Variants in CHST11 observed in about 807,000 individuals in gnomAD.
The protein encoded by CHST11 is carbohydrate sulfotransferase 11.
In CHST11, 9 loss-of-function variants were observed where a neutral mutation model predicts 30.4. The observed-to-expected ratio is 0.30, with a 90% CI of 0.18 to 0.52. The LOEUF (loss-of-function observed/expected upper bound fraction) is 0.52, where lower values mean the gene tolerates loss of function less well. Among genes scored for constraint, CHST11 ranks in the 20% least tolerant of loss-of-function variants. The pLI, the probability that CHST11 is intolerant of heterozygous loss-of-function variation, is 0.97. For synonymous variants in CHST11, 152 were observed against 187.8 expected, an observed-to-expected ratio of 0.81 and a Z score of 1.56; for missense variants, 348 against 460.6, an observed-to-expected ratio of 0.76 and a Z score of 2.24.
chr12:104,540,079 C>G (rs145234817), intron 1 of CHST11, among the ~76,000 whole-genome samples: 38 of 152,348 alleles, frequency 2.5e-4, no homozygotes, highest in African/African-American at 8.9e-4. Context: ...CTATACATCA[C>G]TTCGTTTGTG....
intron 1 of CHST11, among the ~76,000 whole-genome samples, 181 bp from the exon 2 acceptor site, chr12:104,601,725 T>G (rs1391549135): frequency 6.6e-6 from 1 of 152,220 alleles, no homozygotes; most frequent in Non-Finnish European, 1.5e-5. Context: ...GCCTGAATGT[T>G]GGGAAGACAG....
intron 2 of CHST11, among the ~76,000 whole-genome samples, chr12:104,659,334 T>A (rs1007003142): frequency 1.3e-5 from 2 of 152,184 alleles, no homozygotes; most frequent in Non-Finnish European, 2.9e-5. Flanking sequence ...GGCTGGCACA[T>A]GATAATTGCT....
intron 1 of CHST11, among the ~76,000 whole-genome samples, chr12:104,500,042 G>A (rs2037838155): frequency 6.6e-6 from 1 of 152,190 alleles, no homozygotes; most frequent in South Asian, 2.1e-4. Context: ...CCCTGTAGCT[G>A]TCTTTTGAGA....
At chr12:104,736,466 G>C (rs1351382807) in intron 2 of CHST11, among the ~76,000 whole-genome samples, 1 of 152,220 alleles carries the variant, frequency 6.6e-6, no homozygotes, top group East Asian at 1.9e-4. Context: ...GCATCCAGCA[G>C]AGTCCCATGT....
intron 1 of CHST11, among the ~76,000 whole-genome samples, chr12:104,549,290 A>G (rs1319076493): frequency 6.6e-6 from 1 of 152,174 alleles, no homozygotes; most frequent in African/African-American, 2.4e-5. Flanking sequence ...GCTCCTTTAC[A>G]TATCCTGCTG....
At chr12:104,503,438 G>C (rs1345509048) in intron 1 of CHST11, among the ~76,000 whole-genome samples, 1 of 152,206 alleles carries the variant, frequency 6.6e-6, no homozygotes, top group East Asian at 1.9e-4. Flanking sequence ...GAGCCTCACT[G>C]CACACCTGCA....
intron 1 of CHST11, among the ~76,000 whole-genome samples, chr12:104,580,482 C>T (rs528351319): frequency 2.0e-5 from 3 of 152,056 alleles, no homozygotes; most frequent in Admixed American, 2.0e-4. Context: ...GTAGACATGT[C>T]GATTATGGAT....
At chr12:104,572,841 A>C (rs1194698999) in intron 1 of CHST11, among the ~76,000 whole-genome samples, 2 of 152,158 alleles carry the variant, frequency 1.3e-5, no homozygotes, top group African/African-American at 4.8e-5. Context: ...GCTATTCAAC[A>C]TAGTGTTGGA....
intron 1 of CHST11, among the ~76,000 whole-genome samples, chr12:104,496,010 T>G (rs1056544930): frequency 2.6e-5 from 4 of 152,224 alleles, no homozygotes; most frequent in Admixed American, 1.3e-4. Flanking sequence ...ATGCCTCGGA[T>G]AGCAGACTTA....
At chr12:104,658,400 A>G (rs746806577) in intron 2 of CHST11, among the ~76,000 whole-genome samples, 8 of 152,142 alleles carry the variant, frequency 5.3e-5, no homozygotes, top group Non-Finnish European at 1.0e-4. Context: ...CCCTCTTGTC[A>G]TGATACCAGA....
chr12:104,645,947 A>G (rs114906989), intron 2 of CHST11, among the ~76,000 whole-genome samples: 3,287 of 152,266 alleles, frequency 0.022, 125 homozygotes, highest in African/African-American at 0.074. Context: ...TGGTGGCTTC[A>G]GCAAACATGT....
intron 1 of CHST11, among the ~76,000 whole-genome samples, chr12:104,597,331 G>A (rs946119340): frequency 6.6e-6 from 1 of 152,136 alleles, no homozygotes; most frequent in East Asian, 1.9e-4. Flanking sequence ...ATTGATTTGA[G>A]TTTAGAGAGG....
intron 1 of CHST11, among the ~76,000 whole-genome samples, chr12:104,459,818 C>A (rs1290573864): frequency 6.6e-6 from 1 of 152,170 alleles, no homozygotes; most frequent in African/African-American, 2.4e-5. Context: ...TTATTTAGAT[C>A]TCTATAAATA....
At chr12:104,517,564 G>A (rs1000771767) in intron 1 of CHST11, among the ~76,000 whole-genome samples, 2 of 152,120 alleles carry the variant, frequency 1.3e-5, no homozygotes, top group Non-Finnish European at 2.9e-5. Flanking sequence ...CCTGGCCTGG[G>A]GTCTGATCCT....
At chr12:104,627,149 C>G (rs977266982) in intron 2 of CHST11, among the ~76,000 whole-genome samples, 3 of 152,174 alleles carry the variant, frequency 2.0e-5, no homozygotes, top group Non-Finnish European at 2.9e-5. Context: ...TACATTTTCT[C>G]CATGTCTTTG....
At chr12:104,714,644 C>G (rs1319113561) in intron 2 of CHST11, among the ~76,000 whole-genome samples, 2 of 152,168 alleles carry the variant, frequency 1.3e-5, no homozygotes, top group Non-Finnish European at 2.9e-5. Flanking sequence ...GACGTTCACC[C>G]TGGCACCACA....
At chr12:104,566,548 G>A (rs1202142265) in intron 1 of CHST11, among the ~76,000 whole-genome samples, 1 of 152,178 alleles carries the variant, frequency 6.6e-6, no homozygotes, top group Non-Finnish European at 1.5e-5. Flanking sequence ...TTCACCTGAG[G>A]ACCTGTGGGG....
At position 104,474,760 on chromosome 12, in the gene CHST11, GC is replaced by G. The variant is rs563778014; in HGVS notation, c.118+17232del. Among the ~76,000 whole-genome samples, 8 of 152,310 alleles carry G rather than the reference GC, an allele frequency of 5.3e-5. No homozygotes were observed. The South Asian group carries it at 1.7e-3, about 32-fold the overall frequency. ...GGGCATTGGGTGGGCATTGGGTGGG[GC>G]ATCAGGGATCTTGGGTTCTTGTCCC... On this transcript the variant is annotated intron_variant, in intron 1 of 2. Coordinates refer to ENST00000303694, the MANE Select transcript of CHST11 (RefSeq NM_018413.6).
rs1050066986 is a variant in CHST11, at chr12:104,457,268, C to A, written c.-144C>A. ...CCGGGCTGGGGGCTCCGAGAGCGGCCGCGAAGCGACTCCGATCCTCCCTCT... is the reference window on the plus strand; with the variant it reads ...CCGGGCTGGGGGCTCCGAGAGCGGCAGCGAAGCGACTCCGATCCTCCCTCT... On this transcript the variant is annotated 5_prime_UTR_variant, in exon 1 of 3. Coordinates refer to ENST00000303694, the MANE Select transcript of CHST11 (RefSeq NM_018413.6). 3 of 599,188 alleles carry A rather than the reference C, an allele frequency of 5.0e-6. No individual in the cohort carries two copies. Among genetic ancestry groups the A allele is most frequent in the Non-Finnish European group, 5.9e-6 (2 of 337,834 alleles). The allele number at this position is 599,188 out of a possible 1,614,324, so 37.1% of individuals were successfully genotyped here.
Sources: allele counts gnomAD v4.1 joint callset (sites outside exome capture counted in the v4.1 genomes callset), GRCh38; gene constraint gnomAD v4.1.1; transcripts MANE v1.5; gene names NCBI Gene and HGNC (gene_info 2026-07-23, HGNC 2026-07-21).